The following CACNA1E variants were observed in gnomAD, a reference collection of about 807,000 sequenced individuals.
The protein encoded by CACNA1E is calcium voltage-gated channel subunit alpha1 E.
A neutral mutation model predicts 259.2 loss-of-function variants in CACNA1E; 40 were observed. That is an observed-to-expected ratio of 0.15 (90% CI 0.12 to 0.20). CACNA1E has a LOEUF of 0.20. Among genes scored for constraint, CACNA1E ranks in the 10% least tolerant of loss-of-function variants. The pLI is 1.00. For missense variants in CACNA1E, 1,874 were observed against 3,040.1 expected (o/e 0.62, Z 9.02); for synonymous variants, 1,104 against 1,138.5 (o/e 0.97, Z 0.61).
chr1:181,781,428 G>A lies in CACNA1E; in HGVS notation c.5269G>A (p.Gly1757Ser). 3 of 1,555,484 alleles carry A rather than the reference G, an allele frequency of 1.9e-6. No individual in the cohort carries two copies. The highest frequency in any genetic ancestry group is 2.6e-6 in the Non-Finnish European group (3 of 1,137,354). The change falls in exon 39 of 48, where the codon GGC (glycine) becomes AGC (serine). Residue 1757 changes from glycine to serine, a missense_variant and splice_region_variant. By Grantham distance (56) the Gly-to-Ser change is moderately conservative. This residue lies in a region of CACNA1E where 147 missense variants were observed against 337.1 expected (regional missense o/e 0.44). Coordinates refer to ENST00000367573, the MANE Select transcript of CACNA1E (RefSeq NM_001205293.3). Reference protein sequence around the residue: ...VWAEYDRAACGRIHYTEMYEM... With the variant: ...VWAEYDRAACSRIHYTEMYEM... ...CAACTCACCACCCTCCATGAGCAGT[G>A]GCCGCATCCATTACACTGAGATGTA...
At chr1:181,766,756 C>A in intron 35 of CACNA1E, 145 bp downstream of exon 35, 1 of 653,622 alleles carries the variant, frequency 1.5e-6, no homozygotes, top group Non-Finnish European at 2.7e-6. Flanking sequence ...CACAGTGTGA[C>A]CTTGGGAATT....
chr1:181,645,858 T>C (rs1658220390), intron 6 of CACNA1E, among the ~76,000 whole-genome samples: 2 of 152,226 alleles, frequency 1.3e-5, no homozygotes, highest in African/African-American at 4.8e-5. Context: ...AATATGGCAT[T>C]TCAGCTCCAA....
chr1:181,735,395 G>A (rs1025536760), intron 21 of CACNA1E, among the ~76,000 whole-genome samples: 8 of 152,114 alleles, frequency 5.3e-5, no homozygotes, highest in African/African-American at 1.9e-4. Flanking sequence ...TAGGAGGCCT[G>A]GGCATGGGCC....
chr1:181,766,626 C>G lies in CACNA1E; in HGVS notation c.4881+15C>G. 1.9e-6 allele frequency: 3 copies of G among 1,599,684 alleles called. No individual in the cohort carries two copies. The highest frequency in any genetic ancestry group is 2.6e-6 in the Non-Finnish European group (3 of 1,167,676). On this transcript the variant is annotated intron_variant, in intron 35 of 47. Transcript: ENST00000367573. ...TTGGGATGCAGGTGAGCTGGTAAATCAAGGGCCCGGTGGGGGACAGCTGTT... is the reference window on the plus strand; with the variant it reads ...TTGGGATGCAGGTGAGCTGGTAAATGAAGGGCCCGGTGGGGGACAGCTGTT...
At chr1:181,687,437 C>G (rs998860419) in intron 7 of CACNA1E, among the ~76,000 whole-genome samples, 1 of 152,160 alleles carries the variant, frequency 6.6e-6, no homozygotes, top group African/African-American at 2.4e-5. Flanking sequence ...GTTCACCCCT[C>G]AGCTGGCTAA....
chr1:181,435,097 C>T (rs1185351631), intron 2 of CACNA1E, among the ~76,000 whole-genome samples: 1 of 152,162 alleles, frequency 6.6e-6, no homozygotes, highest in Non-Finnish European at 1.5e-5. Context: ...GTCAAAAGAT[C>T]ATAAGTCAAA....
At chr1:181,365,294 C>T (rs72729334) in intron 1 of CACNA1E, among the ~76,000 whole-genome samples, 22 of 152,336 alleles carry the variant, frequency 1.4e-4, no homozygotes, top group South Asian at 1.0e-3. Flanking sequence ...CAGCCTCCCA[C>T]GTAGGTGGGA....
At chr1:181,569,864 C>A (rs1273576853) in intron 3 of CACNA1E, among the ~76,000 whole-genome samples, 3 of 152,178 alleles carry the variant, frequency 2.0e-5, no homozygotes, top group African/African-American at 4.8e-5. Flanking sequence ...TGGTTTTGAA[C>A]TGAGTTACGA....
chr1:181,556,977 C>G (rs968999987), intron 3 of CACNA1E, among the ~76,000 whole-genome samples: 1 of 152,202 alleles, frequency 6.6e-6, no homozygotes, highest in African/African-American at 2.4e-5. Context: ...GGTGTGAGAT[C>G]AGCAGGCTGT....
chr1:181,797,688 C>T (rs1352461076), intron 47 of CACNA1E, among the ~76,000 whole-genome samples: 1 of 152,174 alleles, frequency 6.6e-6, no homozygotes, highest in Non-Finnish European at 1.5e-5. Context: ...TTAAGAAATG[C>T]TCTCCTGGAG....
chr1:181,323,201 T>A (rs1243846654), intron 1 of CACNA1E, among the ~76,000 whole-genome samples: 2 of 152,222 alleles, frequency 1.3e-5, no homozygotes, highest in Non-Finnish European at 2.9e-5. Flanking sequence ...TGTGTACATG[T>A]GCTTTTTCCA....
At chr1:181,435,020 A>G (rs1418517362) in intron 2 of CACNA1E, among the ~76,000 whole-genome samples, 1 of 152,240 alleles carries the variant, frequency 6.6e-6, no homozygotes, top group Admixed American at 6.5e-5. Context: ...CAATCTGATC[A>G]ACCCATTGTA....
chr1:181,568,950 T>G (rs1358106866), intron 3 of CACNA1E, among the ~76,000 whole-genome samples: 1 of 152,190 alleles, frequency 6.6e-6, no homozygotes, highest in Non-Finnish European at 1.5e-5. Flanking sequence ...TTCATTAGGT[T>G]TCAGCCACAC....
upstream of CACNA1E, among the ~76,000 whole-genome samples, chr1:181,481,823 C>G (rs990923755): frequency 1.4e-4 from 21 of 150,132 alleles, no homozygotes; most frequent in Non-Finnish European, 2.8e-4. Flanking sequence ...AGCTCAGATA[C>G]CAATTCTATT....
chr1:181,728,362 G>A (rs1655113228), intron 18 of CACNA1E, among the ~76,000 whole-genome samples: 2 of 152,232 alleles, frequency 1.3e-5, no homozygotes, highest in African/African-American at 4.8e-5. Flanking sequence ...CAGGGCCGTG[G>A]GAATTGAGCA....
At chr1:181,448,839 C>G (rs1411653457) in intron 2 of CACNA1E, among the ~76,000 whole-genome samples, 1 of 152,232 alleles carries the variant, frequency 6.6e-6, no homozygotes, top group Non-Finnish European at 1.5e-5. Context: ...CAAGCCTCCT[C>G]TGTCCTGCTC....
At chr1:181,716,017 G>T (rs533180173) in intron 9 of CACNA1E, 23 bp from the exon 10 acceptor site, 3 of 1,536,534 alleles carry the variant, frequency 2.0e-6, no homozygotes, top group South Asian at 1.2e-5. Context: ...GCCTCTCACT[G>T]GTCTTCCCTT....
intron 35 of CACNA1E, among the ~76,000 whole-genome samples, chr1:181,770,879 A>G (rs1289453183): frequency 2.0e-5 from 3 of 152,138 alleles, no homozygotes; most frequent in Non-Finnish European, 2.9e-5. Context: ...TGCTCCCATC[A>G]TGACTACCTG....
intron 6 of CACNA1E, among the ~76,000 whole-genome samples, chr1:181,613,421 T>C (rs777657535): frequency 6.6e-6 from 1 of 152,188 alleles, no homozygotes; most frequent in Non-Finnish European, 1.5e-5. Context: ...TTATATACTG[T>C]ATTCTTAAGA....
Sources: gnomAD v4.1 joint callset for allele counts (sites outside exome capture counted in the v4.1 genomes callset) on GRCh38, gnomAD v4.1.1 for gene constraint, gnomAD v4.1.1 regional missense constraint, MANE v1.5 for transcripts, NCBI Gene and HGNC (gene_info 2026-07-23, HGNC 2026-07-21) for gene names.